Variants in RFC3 observed in about 807,000 individuals in gnomAD.
RFC3 encodes the protein A1 38 kDa subunit.
Under a neutral mutation model 45.1 loss-of-function variants are expected in RFC3, and 41 were observed. The observed-to-expected ratio is 0.91, with a 90% CI of 0.71 to 1.18. The LOEUF (loss-of-function observed/expected upper bound fraction) is 1.18, where lower values mean the gene tolerates loss of function less well. RFC3 is among the 50% of genes most tolerant of loss of function. The pLI is 0.00. For synonymous variants in RFC3, 149 were observed against 144.0 expected, an observed-to-expected ratio of 1.03 and a Z score of -0.25; for missense variants, 423 against 428.1, an observed-to-expected ratio of 0.99 and a Z score of 0.10.
At chr13:33,953,302 T>C (rs1308532344) in intron 8 of RFC3, among the ~76,000 whole-genome samples, 1 of 145,296 alleles carries the variant, frequency 6.9e-6, no homozygotes, top group Non-Finnish European at 1.5e-5. Context: ...AAAATACCTC[T>C]TTGGAGTGTG....
chr13:33,842,830 A>G (rs1164050138), intron 8 of RFC3, among the ~76,000 whole-genome samples: 2 of 152,210 alleles, frequency 1.3e-5, no homozygotes, highest in Non-Finnish European at 2.9e-5. Context: ...CTAGGATTCT[A>G]ACCTAAGGCC....
intron 8 of RFC3, among the ~76,000 whole-genome samples, chr13:33,934,955 G>T (rs544637772): frequency 6.6e-6 from 1 of 152,072 alleles, no homozygotes; most frequent in Non-Finnish European, 1.5e-5. Flanking sequence ...TGCTCACATT[G>T]TGATGCACCC....
intron 8 of RFC3, among the ~76,000 whole-genome samples, chr13:33,944,545 A>G (rs2082943810): frequency 6.6e-6 from 1 of 152,120 alleles, no homozygotes; most frequent in Admixed American, 6.6e-5. Context: ...ATTTGCGATC[A>G]CCATCCTCTA....
chr13:33,955,808 A>G (rs9592154), intron 8 of RFC3, among the ~76,000 whole-genome samples: 1 of 152,096 alleles, frequency 6.6e-6, no homozygotes, highest in Non-Finnish European at 1.5e-5. Context: ...TGCCCCACAC[A>G]CCACCCAGAT....
chr13:33,956,652 AGT>A (rs996244313), intron 8 of RFC3, among the ~76,000 whole-genome samples: 8 of 152,196 alleles, frequency 5.3e-5, no homozygotes, highest in African/African-American at 1.9e-4. Flanking sequence ...CATAAAGAAG[AGT>A]GTGGAGTCCC....
intron 8 of RFC3, among the ~76,000 whole-genome samples, chr13:33,950,052 CCTCTCT>C (rs946214935): frequency 5.5e-5 from 7 of 128,306 alleles, no homozygotes; most frequent in African/African-American, 1.8e-4. Context: ...TCTCTTTCTC[CCTCTCT>C]CTCTCTCTCG....
intron 8 of RFC3, among the ~76,000 whole-genome samples, chr13:33,861,645 CA>C (rs1046372339): frequency 2.6e-3 from 170 of 66,110 alleles, no homozygotes; most frequent in East Asian, 0.016. Flanking sequence ...AACTCCATCT[CA>C]AAAAAAAAAA....
chr13:33,870,149 A>C (rs910152737), intron 8 of RFC3, among the ~76,000 whole-genome samples: 5 of 152,240 alleles, frequency 3.3e-5, no homozygotes, highest in South Asian at 2.1e-4. Context: ...AATCTGACAG[A>C]TTGAAAGCAA....
intron 7 of RFC3, among the ~76,000 whole-genome samples, chr13:33,834,029 C>G (rs1336905587): frequency 6.6e-6 from 1 of 152,022 alleles, no homozygotes; most frequent in African/African-American, 2.4e-5. Flanking sequence ...GTGGTCAGTT[C>G]TGTCAGTTAC....
chr13:33,957,957 C>T (rs993611593), intron 8 of RFC3, among the ~76,000 whole-genome samples: 22 of 152,232 alleles, frequency 1.4e-4, no homozygotes, highest in African/African-American at 4.1e-4. Flanking sequence ...GTGAACCAGG[C>T]AGATGCTGCA....
chr13:33,833,970 G>A (rs908955134), intron 7 of RFC3, among the ~76,000 whole-genome samples: 27 of 152,112 alleles, frequency 1.8e-4, no homozygotes, highest in African/African-American at 5.3e-4. Flanking sequence ...TGGAAAGGGT[G>A]TGGACTTTGG....
At chr13:33,962,238 T>A (rs1184461550) in intron 8 of RFC3, among the ~76,000 whole-genome samples, 1 of 152,182 alleles carries the variant, frequency 6.6e-6, no homozygotes. Flanking sequence ...AGGGGGGATA[T>A]GTAAAGGAAG....
intron 2 of RFC3, among the ~76,000 whole-genome samples, chr13:33,823,068 C>T (rs960438805): frequency 3.9e-5 from 6 of 151,988 alleles, no homozygotes; most frequent in Non-Finnish European, 8.8e-5. Context: ...GATGTTTGAC[C>T]TTTGTGATAG....
chr13:33,966,152 G>T, exon 9 of RFC3: 1 of 1,580,092 alleles, frequency 6.3e-7, no homozygotes, highest in East Asian at 2.2e-5. Flanking sequence ...ACTTGCTACT[G>T]ACTGGACTTC....
At chr13:33,942,812 T>C (rs1191637947) in intron 8 of RFC3, among the ~76,000 whole-genome samples, 3 of 152,186 alleles carry the variant, frequency 2.0e-5, no homozygotes, top group Non-Finnish European at 4.4e-5. Flanking sequence ...AGTGAGTAGA[T>C]TGAATTGGAA....
chr13:33,950,072 TACACACACACACAC>T (rs71196530), intron 8 of RFC3, among the ~76,000 whole-genome samples: 4 of 144,840 alleles, frequency 2.8e-5, no homozygotes, highest in East Asian at 2.1e-4. Context: ...TCTCTCGCTC[TACACACACACACAC>T]ACACACACAC....
At chr13:33,922,552 C>CT (rs561245386) in intron 8 of RFC3, among the ~76,000 whole-genome samples, 8 of 151,688 alleles carry the variant, frequency 5.3e-5, no homozygotes, top group South Asian at 2.2e-4. Flanking sequence ...TTAAAATGGT[C>CT]TTTTTTTGGG....
intron 8 of RFC3, among the ~76,000 whole-genome samples, chr13:33,960,353 G>T (rs904942462): frequency 2.0e-5 from 3 of 152,190 alleles, no homozygotes; most frequent in African/African-American, 7.2e-5. Context: ...AAGATCAGGG[G>T]CTCTGGTACC....
At chr13:33,920,420 CTTTTTTTT>C (rs777079510) in intron 8 of RFC3, among the ~76,000 whole-genome samples, 7 of 83,178 alleles carry the variant, frequency 8.4e-5, no homozygotes, top group East Asian at 3.7e-4. Context: ...TACAACCACA[CTTTTTTTT>C]TTTTTTTTTT....
Sources: gnomAD v4.1 joint callset for allele counts (sites outside exome capture counted in the v4.1 genomes callset) on GRCh38, gnomAD v4.1.1 for gene constraint, MANE v1.5 for transcripts, NCBI Gene and HGNC (gene_info 2026-07-23, HGNC 2026-07-21) for gene names.